PCDHGA7: variants seen among roughly 807,000 people sequenced by gnomAD.
PCDHGA7 encodes protocadherin gamma subfamily A, 7, also known as protocadherin gamma-A7.
A neutral mutation model predicts 58.3 loss-of-function variants in PCDHGA7; 44 were observed. The ratio of observed to expected loss-of-function variants is 0.75; its 90% CI spans 0.59 to 0.97. The LOEUF is 0.97. PCDHGA7 is among the 50% of genes least tolerant of loss of function. The pLI is 0.00. For missense variants in PCDHGA7, 1,266 were observed against 1,188.7 expected (o/e 1.06, Z -0.96); for synonymous variants, 516 against 504.2 (o/e 1.02, Z -0.31).
chr5:141,415,434 C>T, intron 1 of PCDHGA7: 2 of 1,614,192 alleles, frequency 1.2e-6, no homozygotes, highest in Non-Finnish European at 1.7e-6. Context: ...TTCGGGCTTT[C>T]CTGCAGACCT....
chr5:141,431,440 C>T lies in PCDHGA7; in HGVS notation c.2424+46117C>T. ...ACCCGGTGCGCACAGGCACCGCGCG[C>T]ATCCGCGTGATGGTTCTGGATGCGA... is the stretch of plus-strand genomic sequence containing the variant. On this transcript the variant is annotated intron_variant, in intron 1 of 3. Transcript: ENST00000518325. The surrounding 1 kb of genome is among the most constrained non-coding windows in gnomAD (Gnocchi z 4.8). 6.2e-7 allele frequency: 1 copy of T among 1,613,754 alleles called. No homozygotes were observed.
chr5:141,421,533 C>T (rs80184002), intron 1 of PCDHGA7: 1 of 1,614,044 alleles, frequency 6.2e-7, no homozygotes, highest in African/African-American at 1.3e-5. Flanking sequence ...CGGTGTCCTC[C>T]TGTTTTTTAA....
Position 141,477,337 on chromosome 5 carries a change from C to T in PCDHGA7, c.2425-17470C>T. ...TTACTTCTTCCCTCAAGAATTACTT[C>T]ACTTTGAAAACCAGTGCAGACCTGG... On this transcript the variant is annotated intron_variant, in intron 1 of 3. Transcript: ENST00000518325. The surrounding 1 kb of genome is among the most constrained non-coding windows in gnomAD (Gnocchi z 4.9). The T allele has an allele frequency of 1.2e-6, 2 of 1,614,166 alleles. No individual in the cohort carries two copies. Among genetic ancestry groups the T allele is most frequent in the Non-Finnish European group, 1.7e-6 (2 of 1,180,028 alleles).
At chr5:141,414,629 G>T in intron 1 of PCDHGA7, 1 of 1,614,000 alleles carries the variant, frequency 6.2e-7, no homozygotes. Context: ...GACCCGGACA[G>T]CAAAGAGAAT....
At chr5:141,446,390 G>A (rs2098500089) in intron 1 of PCDHGA7, among the ~76,000 whole-genome samples, 1 of 152,284 alleles carries the variant, frequency 6.6e-6, no homozygotes, top group African/African-American at 2.4e-5. Context: ...ATAGATTTAA[G>A]AGAAATCGAG....
intron 1 of PCDHGA7, chr5:141,419,344 C>T (rs2096363174): frequency 1.9e-6 from 3 of 1,613,732 alleles, no homozygotes; most frequent in Non-Finnish European, 2.5e-6. Flanking sequence ...TTGCCAGCGA[C>T]CTGGAGTCAC....
chr5:141,435,642 T>C lies in PCDHGA7; in HGVS notation c.2424+50319T>C, dbSNP rs1326178929. On this transcript the variant is annotated intron_variant, in intron 1 of 3. Coordinates refer to ENST00000518325, the MANE Select transcript of PCDHGA7 (RefSeq NM_018920.4). ...CATAACTTTTACAACTATGGGAAAA[T>C]TTCTGAAACGTGCACAGATTCCAAG... Among the ~76,000 whole-genome samples the C allele has an allele frequency of 2.0e-5, 3 of 152,156 alleles. No individual in the cohort carries two copies. The East Asian group carries it at 5.8e-4, about 29-fold the overall frequency.
intron 3 of PCDHGA7, among the ~76,000 whole-genome samples, chr5:141,506,598 G>A (rs1056005258): frequency 6.6e-6 from 1 of 152,130 alleles, no homozygotes; most frequent in Non-Finnish European, 1.5e-5. Context: ...CAGTATTAAC[G>A]GATCTCATTG....
intron 1 of PCDHGA7, chr5:141,418,454 A>G (rs1211470387): frequency 3.1e-6 from 5 of 1,613,774 alleles, no homozygotes; most frequent in Non-Finnish European, 3.4e-6. Flanking sequence ...ATTGCAGAAG[A>G]CTCTGGACCG....
At chr5:141,420,284 TA>T in intron 1 of PCDHGA7, 2 of 1,505,934 alleles carry the variant, frequency 1.3e-6, no homozygotes, top group East Asian at 2.3e-5. Context: ...GGTAAGTATT[TA>T]AAAATGTATT....
At chr5:141,411,425 A>AC (rs971774943) in intron 1 of PCDHGA7, 58 of 150,512 alleles carry the variant, frequency 3.9e-4, no homozygotes, top group African/African-American at 1.4e-3. Flanking sequence ...AACAACAACA[A>AC]AAAAAAACAT....
intron 1 of PCDHGA7, chr5:141,419,733 AGGTGCGCATGGTGCGTGCTTTG>A (rs763538035): frequency 1.1e-5 from 18 of 1,613,646 alleles, no homozygotes; most frequent in Non-Finnish European, 1.4e-5. Context: ...CGAACAGGCG[AGGTGCGCATGGTGCGTGCTTTG>A]GGTGACAAGG....
At chr5:141,497,742 T>C (rs2099779149) in intron 2 of PCDHGA7, among the ~76,000 whole-genome samples, 1 of 152,128 alleles carries the variant, frequency 6.6e-6, no homozygotes, top group South Asian at 2.1e-4. Context: ...TTTCGCCACG[T>C]TGGCCAGGCT....
At chr5:141,506,649 T>C (rs1487823663) in intron 3 of PCDHGA7, among the ~76,000 whole-genome samples, 1 of 152,114 alleles carries the variant, frequency 6.6e-6, no homozygotes, top group Admixed American at 6.6e-5. Context: ...CAGCACAGGA[T>C]TGGCAGAGAG....
At chr5:141,435,665 A>C (rs1029846055) in intron 1 of PCDHGA7, among the ~76,000 whole-genome samples, 2 of 152,206 alleles carry the variant, frequency 1.3e-5, no homozygotes, top group African/African-American at 4.8e-5. Flanking sequence ...CACAGATTCC[A>C]AGTGTTTTCT....
chr5:141,433,354 T>TCTGC, intron 1 of PCDHGA7: 2 of 602,322 alleles, frequency 3.3e-6, no homozygotes, highest in South Asian at 2.1e-5. Context: ...CCACCTACTG[T>TCTGC]CTGCCTATCT....
chr5:141,476,328 G>C lies in PCDHGA7; in HGVS notation c.2425-18479G>C, dbSNP rs1381722714. On this transcript the variant is annotated intron_variant, in intron 1 of 3. Coordinates refer to ENST00000518325, the MANE Select transcript of PCDHGA7 (RefSeq NM_018920.4). This position sits in a 1 kb window ranked among gnomAD's most constrained non-coding sequence, Gnocchi z 7.6. Reference sequence around the variant, plus strand: ...GCCCGCAGGTTCCGGGTGGTGTCTGGAGCTAGCCGAAGATTCTTTGAGGTG... The same window carrying C: ...GCCCGCAGGTTCCGGGTGGTGTCTGCAGCTAGCCGAAGATTCTTTGAGGTG... 1 of 1,614,176 alleles carries C rather than the reference G, an allele frequency of 6.2e-7. No individual in the cohort carries two copies. Among genetic ancestry groups the C allele is most frequent in the East Asian group, 2.2e-5 (1 of 44,864 alleles).
chr5:141,480,224 T>G (rs2099514647), intron 1 of PCDHGA7, among the ~76,000 whole-genome samples: 1 of 146,584 alleles, frequency 6.8e-6, no homozygotes, highest in Non-Finnish European at 1.5e-5. Context: ...AGCGACATAG[T>G]GAGATCCTGT....
intron 1 of PCDHGA7, among the ~76,000 whole-genome samples, chr5:141,438,325 A>C (rs1400796518): frequency 6.6e-6 from 1 of 151,948 alleles, no homozygotes; most frequent in African/African-American, 2.4e-5. Context: ...AATTTTTCTT[A>C]TACATGTCAT....
Sources: allele counts gnomAD v4.1 joint callset (sites outside exome capture counted in the v4.1 genomes callset), GRCh38; gene constraint gnomAD v4.1.1; non-coding constraint Gnocchi (gnomAD v3.1); transcripts MANE v1.5; gene names NCBI Gene and HGNC (gene_info 2026-07-23, HGNC 2026-07-21).